DLG2: variants seen among roughly 807,000 people sequenced by gnomAD.
DLG2 encodes disks large homolog 2.
A neutral mutation model predicts 132.5 loss-of-function variants in DLG2; 45 were observed. The observed-to-expected ratio is 0.34, with a 90% confidence interval of 0.27 to 0.44. The LOEUF (loss-of-function observed/expected upper bound fraction) is 0.44, where lower values mean the gene tolerates loss of function less well. Among genes scored for constraint, DLG2 ranks in the 20% least tolerant of loss-of-function variants. The pLI is 1.00. For synonymous variants in DLG2, 424 were observed against 419.6 expected (o/e 1.01, Z -0.13); for missense variants, 1,045 against 1,196.9 (o/e 0.87, Z 1.87).
At chr11:84,560,160 T>A (rs1565302205) in intron 6 of DLG2, among the ~76,000 whole-genome samples, 2 of 152,172 alleles carry the variant, frequency 1.3e-5, no homozygotes, top group African/African-American at 4.8e-5. Context: ...AATTTGGGAA[T>A]CTGATCTTCC....
chr11:84,842,158 G>A (rs1463185731), intron 6 of DLG2, among the ~76,000 whole-genome samples: 1 of 151,922 alleles, frequency 6.6e-6, no homozygotes, highest in African/African-American at 2.4e-5. Flanking sequence ...GATCAAGAGG[G>A]ACTATAGAGA....
intron 8 of DLG2, among the ~76,000 whole-genome samples, chr11:84,247,683 CT>C (rs1567057301): frequency 6.6e-6 from 1 of 152,026 alleles, no homozygotes; most frequent in East Asian, 1.9e-4. Context: ...CTTAACTTAC[CT>C]TCCTTAATAA....
chr11:83,732,648 T>A (rs535310261), intron 18 of DLG2, among the ~76,000 whole-genome samples: 1 of 152,268 alleles, frequency 6.6e-6, no homozygotes, highest in East Asian at 1.9e-4. Context: ...TTGAGAAGAT[T>A]TATGTATTCA....
intron 15 of DLG2, among the ~76,000 whole-genome samples, chr11:83,889,423 G>T (rs1011937112): frequency 1.3e-5 from 2 of 149,846 alleles, no homozygotes; most frequent in South Asian, 2.2e-4. Flanking sequence ...TCTCACACCA[G>T]TTAGAATGCC....
chr11:83,700,656 G>A (rs2082763417), intron 18 of DLG2, among the ~76,000 whole-genome samples: 1 of 152,076 alleles, frequency 6.6e-6, no homozygotes, highest in African/African-American at 2.4e-5. Context: ...CTTTCACTGT[G>A]TTCCTAAAAA....
At chr11:83,483,778 T>G (rs2093319144) in intron 22 of DLG2, among the ~76,000 whole-genome samples, 1 of 152,152 alleles carries the variant, frequency 6.6e-6, no homozygotes, top group Admixed American at 6.6e-5. Flanking sequence ...AAAAAACATA[T>G]GTGGCAATGG....
At chr11:83,646,038 C>T (rs2068056246) in intron 18 of DLG2, among the ~76,000 whole-genome samples, 1 of 152,096 alleles carries the variant, frequency 6.6e-6, no homozygotes, top group African/African-American at 2.4e-5. Context: ...AAATTATCCT[C>T]TTTGATACAA....
chr11:85,543,409 C>A (rs2076101284), intron 3 of DLG2, among the ~76,000 whole-genome samples: 1 of 152,114 alleles, frequency 6.6e-6, no homozygotes, highest in Non-Finnish European at 1.5e-5. Context: ...GGGTGGGTTC[C>A]AAGTCTTTGC....
chr11:83,839,088 T>C (rs553765332), intron 16 of DLG2, among the ~76,000 whole-genome samples: 1 of 152,346 alleles, frequency 6.6e-6, no homozygotes, highest in Non-Finnish European at 1.5e-5. Flanking sequence ...CCTTTGCACT[T>C]TGACATACTG....
chr11:85,022,734 A>C (rs1433160240), intron 6 of DLG2, among the ~76,000 whole-genome samples: 1 of 152,082 alleles, frequency 6.6e-6, no homozygotes, highest in Non-Finnish European at 1.5e-5. Context: ...ACTACCTTTG[A>C]GGAAAACTTG....
At chr11:85,430,833 G>GA (rs748535831) in intron 3 of DLG2, among the ~76,000 whole-genome samples, 1 of 118,934 alleles carries the variant, frequency 8.4e-6, no homozygotes, top group African/African-American at 3.4e-5. Flanking sequence ...TTTTCTAATG[G>GA]AAAAGCTAGC....
intron 6 of DLG2, among the ~76,000 whole-genome samples, chr11:84,871,890 C>T (rs1001250048): frequency 6.6e-6 from 1 of 151,984 alleles, no homozygotes; most frequent in African/African-American, 2.4e-5. Context: ...GGCCAGGCTG[C>T]TCTCAAACTC....
At chr11:84,987,572 C>G (rs947399014) in intron 6 of DLG2, among the ~76,000 whole-genome samples, 1 of 152,088 alleles carries the variant, frequency 6.6e-6, no homozygotes, top group South Asian at 2.1e-4. Flanking sequence ...AAAATAGGCA[C>G]ATAGACGAAT....
intron 6 of DLG2, among the ~76,000 whole-genome samples, chr11:85,051,408 G>T (rs561894486): frequency 1.3e-5 from 2 of 152,176 alleles, no homozygotes; most frequent in South Asian, 4.2e-4. Context: ...CCCAAGAAAT[G>T]AAATATAAAT....
At chr11:84,634,741 C>G (rs1482607952) in intron 6 of DLG2, among the ~76,000 whole-genome samples, 1 of 152,192 alleles carries the variant, frequency 6.6e-6, no homozygotes, top group Non-Finnish European at 1.5e-5. Flanking sequence ...ATAAATGTCA[C>G]TCTCCTTCCC....
intron 19 of DLG2, among the ~76,000 whole-genome samples, chr11:83,624,887 G>A (rs941445479): frequency 6.6e-6 from 1 of 152,168 alleles, no homozygotes; most frequent in Non-Finnish European, 1.5e-5. Flanking sequence ...TCTAGACTCT[G>A]TCCAGACTTC....
At chr11:84,048,782 A>T (rs2096290739) in intron 11 of DLG2, among the ~76,000 whole-genome samples, 1 of 151,578 alleles carries the variant, frequency 6.6e-6, no homozygotes, top group African/African-American at 2.4e-5. Flanking sequence ...ACCTTTGCTA[A>T]CCTAAACATC....
At chr11:84,639,348 G>GTTT (rs550030032) in intron 6 of DLG2, among the ~76,000 whole-genome samples, 2 of 126,808 alleles carry the variant, frequency 1.6e-5, no homozygotes, top group Admixed American at 8.2e-5. Context: ...AGATATCTGT[G>GTTT]TTTTTTTTTT....
At chr11:83,670,675 G>C (rs1362405599) in intron 18 of DLG2, among the ~76,000 whole-genome samples, 1 of 151,840 alleles carries the variant, frequency 6.6e-6, no homozygotes, top group Non-Finnish European at 1.5e-5. Flanking sequence ...GTTCTCTTGG[G>C]AACATCATGA....
Sources: gnomAD v4.1 joint callset for allele counts (sites outside exome capture counted in the v4.1 genomes callset) on GRCh38, gnomAD v4.1.1 for gene constraint, MANE v1.5 for transcripts, NCBI Gene and HGNC (gene_info 2026-07-23, HGNC 2026-07-21) for gene names.